Variants in ANKIB1 observed in about 807,000 individuals in gnomAD.
The protein encoded by ANKIB1 is ankyrin repeat and IBR domain-containing protein 1.
ANKIB1 carries 43 observed loss-of-function variants against 122.1 expected under a neutral mutation model. The observed-to-expected ratio is 0.35, with a 90% CI of 0.28 to 0.45. The LOEUF is 0.45. Ranked by LOEUF, ANKIB1 falls within the 20% of genes least tolerant of loss-of-function variation. The pLI is 1.00. For missense variants in ANKIB1, 992 were observed against 1,329.5 expected (o/e 0.75, Z 3.95); for synonymous variants, 390 against 442.0 (o/e 0.88, Z 1.48).
At chr7:92,340,392 A>G (rs895917528) in intron 5 of ANKIB1, among the ~76,000 whole-genome samples, 7 of 152,248 alleles carry the variant, frequency 4.6e-5, no homozygotes, top group Non-Finnish European at 8.8e-5. Flanking sequence ...GACCATTGAA[A>G]CAGAATAGTA....
intron 5 of ANKIB1, among the ~76,000 whole-genome samples, chr7:92,337,904 T>A (rs1172897746): frequency 6.6e-6 from 1 of 152,178 alleles, no homozygotes; most frequent in South Asian, 2.1e-4. Context: ...TTTTTCTGAC[T>A]AAATTATGCG....
intron 1 of ANKIB1, among the ~76,000 whole-genome samples, chr7:92,249,189 T>A (rs1801268073): frequency 6.6e-6 from 1 of 152,104 alleles, no homozygotes; most frequent in African/African-American, 2.4e-5. Context: ...CGCCTGGCCT[T>A]CCAGATACTT....
At chr7:92,266,856 G>A (rs755033889) in intron 1 of ANKIB1, among the ~76,000 whole-genome samples, 14 of 152,200 alleles carry the variant, frequency 9.2e-5, no homozygotes, top group Non-Finnish European at 1.8e-4. Context: ...TTCTCCTGTG[G>A]TGTCCCTCCC....
intron 3 of ANKIB1, 150 bp downstream of exon 3, chr7:92,307,806 CTCT>C (rs1415971360): frequency 8.7e-6 from 3 of 346,196 alleles, no homozygotes; most frequent in African/African-American, 3.1e-5. Flanking sequence ...AATAAAGGGC[CTCT>C]TTTTTTTTTT....
intron 3 of ANKIB1, 29 bp downstream of exon 3, chr7:92,307,685 C>G: frequency 7.1e-7 from 1 of 1,407,420 alleles, no homozygotes; most frequent in Non-Finnish European, 9.2e-7. Flanking sequence ...TAATATTCTG[C>G]ATTGTAAAAT....
Position 92,338,362 on chromosome 7 carries a change from G to A in ANKIB1, c.788-4662G>A, listed in dbSNP as rs1235304258. Among the ~76,000 whole-genome samples the A allele has an allele frequency of 2.0e-5, 3 of 151,948 alleles. No homozygotes were observed. In the East Asian group the frequency reaches 5.8e-4, roughly 29 times the overall value. On this transcript the variant is annotated intron_variant, in intron 5 of 19. Transcript: ENST00000265742. Reference sequence around the variant, plus strand: ...GAACCCAGGAAGCCAAGGCTGCAGTGAGCCATTGATCGCCCCACTGCACTC... The same window carrying A: ...GAACCCAGGAAGCCAAGGCTGCAGTAAGCCATTGATCGCCCCACTGCACTC...
chr7:92,327,062 C>A (rs1803041778), intron 4 of ANKIB1, among the ~76,000 whole-genome samples: 3 of 152,150 alleles, frequency 2.0e-5, no homozygotes, highest in African/African-American at 7.2e-5. Flanking sequence ...AAAGAACAGA[C>A]TGGACAATAA....
chr7:92,247,523 C>T (rs1182811040), intron 1 of ANKIB1, among the ~76,000 whole-genome samples: 7 of 152,202 alleles, frequency 4.6e-5, no homozygotes, highest in African/African-American at 9.7e-5. Context: ...GTGCCTATGA[C>T]CCTCCTGCTG....
chr7:92,367,416 A>G (rs1436543041), intron 10 of ANKIB1, among the ~76,000 whole-genome samples: 2 of 152,270 alleles, frequency 1.3e-5, no homozygotes, highest in Non-Finnish European at 2.9e-5. Flanking sequence ...ATCATTAAAT[A>G]TACAAAAATG....
At chr7:92,280,467 T>C (rs1309360158) in intron 1 of ANKIB1, among the ~76,000 whole-genome samples, 1 of 146,274 alleles carries the variant, frequency 6.8e-6, no homozygotes, top group Non-Finnish European at 1.5e-5. Flanking sequence ...CCCCCTTTTT[T>C]TCCTCTTGAG....
At chr7:92,247,004 TG>T (rs1178956767) in intron 1 of ANKIB1, among the ~76,000 whole-genome samples, 2 of 151,968 alleles carry the variant, frequency 1.3e-5, no homozygotes, top group Non-Finnish European at 2.9e-5. Context: ...AACAAAAGAA[TG>T]GAGCGCTCCC....
chr7:92,344,192 G>GTTTTTTTTT (rs1803488879), intron 6 of ANKIB1, among the ~76,000 whole-genome samples: 1 of 115,294 alleles, frequency 8.7e-6, no homozygotes, highest in African/African-American at 3.4e-5. Context: ...TTGTGTTTTT[G>GTTTTTTTTT]GTTTTTTTTT....
chr7:92,283,283 GA>G (rs778426755), intron 1 of ANKIB1, among the ~76,000 whole-genome samples: 171 of 152,210 alleles, frequency 1.1e-3, no homozygotes, highest in Non-Finnish European at 2.3e-3. Context: ...ATATTATAGG[GA>G]AGTTGCTTTC....
rs1451664232 is a variant in ANKIB1 at position 92,391,362 on chromosome 7, T to A, written c.2231+18T>A. On this transcript the variant is annotated intron_variant, in intron 16 of 19. Coordinates refer to ENST00000265742, the MANE Select transcript of ANKIB1 (RefSeq NM_019004.2). ...AGGCGCAGGTAAAAAGGACGTACACTGTGGAAATCATCCTAGCTCCAGCCA... is the reference window on the plus strand; with the variant it reads ...AGGCGCAGGTAAAAAGGACGTACACAGTGGAAATCATCCTAGCTCCAGCCA... 5 of 1,548,980 alleles carry A rather than the reference T, an allele frequency of 3.2e-6. No homozygotes were observed. The highest frequency in any genetic ancestry group is 4.4e-6 in the Non-Finnish European group (5 of 1,142,154).
intron 9 of ANKIB1, among the ~76,000 whole-genome samples, chr7:92,356,156 T>G (rs1340526901): frequency 6.6e-6 from 1 of 152,162 alleles, no homozygotes; most frequent in Non-Finnish European, 1.5e-5. Context: ...ACCTACTTCT[T>G]TATTCAGAGC....
chr7:92,333,593 C>T (rs992496953), intron 5 of ANKIB1, among the ~76,000 whole-genome samples: 5 of 152,020 alleles, frequency 3.3e-5, no homozygotes, highest in Admixed American at 6.6e-5. Flanking sequence ...GTGGTGTTTA[C>T]GTGTTTATTT....
At chr7:92,381,690 C>A (rs1406545784) in intron 11 of ANKIB1, among the ~76,000 whole-genome samples, 1 of 152,164 alleles carries the variant, frequency 6.6e-6, no homozygotes, top group Non-Finnish European at 1.5e-5. Context: ...CAAGCAAATG[C>A]TGACAGATTT....
intron 1 of ANKIB1, among the ~76,000 whole-genome samples, chr7:92,264,671 C>T (rs943739360): frequency 4.0e-5 from 6 of 151,896 alleles, no homozygotes; most frequent in African/African-American, 1.2e-4. Context: ...CTTGGCCTCC[C>T]AAAGTGCTGG....
chr7:92,331,214 T>G (rs1803165884), intron 5 of ANKIB1, among the ~76,000 whole-genome samples: 1 of 152,040 alleles, frequency 6.6e-6, no homozygotes, highest in African/African-American at 2.4e-5. Context: ...GGATGTGGAC[T>G]CTGGTCAGGG....
Sources: allele counts gnomAD v4.1 joint callset (sites outside exome capture counted in the v4.1 genomes callset), GRCh38; gene constraint gnomAD v4.1.1; transcripts MANE v1.5; gene names NCBI Gene and HGNC (gene_info 2026-07-23, HGNC 2026-07-21).